The following PARP12 variants were observed in gnomAD, a reference collection of about 807,000 sequenced individuals.
PARP12 encodes the protein poly(ADP-ribose) polymerase family member 12, also known as protein mono-ADP-ribosyltransferase PARP12.
In PARP12, 59 loss-of-function variants were observed where a neutral mutation model predicts 72.4. The ratio of observed to expected loss-of-function variants is 0.81; its 90% CI spans 0.66 to 1.01. PARP12 has a LOEUF of 1.01. Among genes scored for constraint, PARP12 ranks in the 50% least tolerant of loss-of-function variants. The pLI, the probability that PARP12 is intolerant of heterozygous loss-of-function variation, is 0.00. For synonymous variants in PARP12, 403 were observed against 371.4 expected (o/e 1.09, Z -0.98); for missense variants, 851 against 914.0 (o/e 0.93, Z 0.89).
intron 5 of PARP12, among the ~76,000 whole-genome samples, chr7:140,045,731 G>C (rs554561251): frequency 3.3e-5 from 5 of 152,278 alleles, no homozygotes; most frequent in South Asian, 2.1e-4. Flanking sequence ...ATCAAAAAGA[G>C]AAAAGAAATA....
chr7:140,041,826 C>T lies in PARP12; in HGVS notation c.1000G>A (p.Glu334Lys). The T allele has an allele frequency of 6.2e-7, 1 of 1,613,582 alleles. No individual in the cohort carries two copies. Among genetic ancestry groups the T allele is most frequent in the Non-Finnish European group, 8.5e-7 (1 of 1,179,630 alleles). The change falls in exon 6 of 12, where the codon GAG becomes AAG. Residue 334 changes from glutamate (E) to lysine (K), a missense_variant. Glu to Lys is a moderately conservative substitution (Grantham distance 56). This residue lies in a region of PARP12 where 492 missense variants were observed against 489.3 expected (regional missense o/e 1.01). Transcript: ENST00000263549. ...NPKIERILCS[E>K]SASTFHSHCL... The stretch of plus-strand genomic sequence containing the variant: ...TGAGAGTGAAAGGTACTGGCTGACT[C>T]AGAGCACAGGATCCTACAGAAGAAA...
At chr7:140,035,933 G>A (rs1001235313) in intron 7 of PARP12, among the ~76,000 whole-genome samples, 1 of 120,320 alleles carries the variant, frequency 8.3e-6, no homozygotes, top group Non-Finnish European at 1.7e-5. Flanking sequence ...GGACAAGGAG[G>A]AGGAGGAGGA....
chr7:140,040,921 C>T (rs1816439679), intron 6 of PARP12, among the ~76,000 whole-genome samples: 1 of 152,182 alleles, frequency 6.6e-6, no homozygotes, highest in African/African-American at 2.4e-5. Context: ...GCATACGCCA[C>T]CACACCTGGC....
At chr7:140,056,818 TG>T in intron 3 of PARP12, 37 bp downstream of exon 3, 3 of 1,538,190 alleles carry the variant, frequency 2.0e-6, no homozygotes, top group Non-Finnish European at 2.6e-6. Context: ...GGACCTCCCG[TG>T]CTCCCCACCA....
chr7:140,038,311 C>T, intron 6 of PARP12: 1 of 984,654 alleles, frequency 1.0e-6, no homozygotes, highest in Middle Eastern at 5.2e-4. Context: ...TTTTCTGGTC[C>T]CTAGGAGCAT....
chr7:140,037,631 T>C (rs1486403381), intron 7 of PARP12, 84 bp downstream of exon 7: 1 of 1,565,640 alleles, frequency 6.4e-7, no homozygotes, highest in African/African-American at 1.3e-5. Context: ...CCTCAGTATG[T>C]GCACACGGCT....
In PARP12 at chr7:140,024,416, G is replaced by T; in HGVS notation, c.*144C>A. On this transcript the variant is annotated 3_prime_UTR_variant, in exon 12 of 12. Coordinates refer to ENST00000263549, the MANE Select transcript of PARP12 (RefSeq NM_022750.4). Reference sequence around the variant, plus strand: ...GACTTAAAAGTAAAAATCATTATTAGCAAGAGATTAAGAACATAACTTCAT... The same window carrying T: ...GACTTAAAAGTAAAAATCATTATTATCAAGAGATTAAGAACATAACTTCAT... 1 of 943,280 alleles carries T rather than the reference G, an allele frequency of 1.1e-6. No individual in the cohort carries two copies. Among genetic ancestry groups the T allele is most frequent in the Non-Finnish European group, 1.6e-6 (1 of 607,964 alleles). 58.4% of individuals were successfully genotyped at this position (943,280 alleles called of 1,614,324 possible).
intron 6 of PARP12, 68 bp from the exon 7 acceptor site, chr7:140,037,924 C>G: frequency 6.4e-7 from 1 of 1,561,366 alleles, no homozygotes. Flanking sequence ...GCTGGTGGCA[C>G]CCACGCCACA....
Position 140,026,397 on chromosome 7 carries a change from A to G in PARP12, c.1629-49T>C. The G allele has an allele frequency of 3.2e-6, 5 of 1,576,230 alleles. No homozygotes were observed. In the South Asian group the frequency reaches 5.8e-5, roughly 18 times the overall value. On this transcript the variant is annotated intron_variant, in intron 10 of 11. Transcript: ENST00000263549. ...CTGGGGGCAGAGTGTGCCGGCCACC[A>G]AATACAGCCGGCCTGATGCAAAACA... is the stretch of plus-strand genomic sequence containing the variant.
rs1360388971 is a variant in PARP12 at position 140,057,924 on chromosome 7, T to C, written c.437A>G (p.Gln146Arg). Residue 146 changes from glutamine (Q) to arginine (R), a missense_variant, in exon 2 of 12, where the codon CAG (glutamine) becomes CGG (arginine). This residue lies in a region of PARP12 where 492 missense variants were observed against 489.3 expected (regional missense o/e 1.01). Transcript: ENST00000263549. ...SYNELCQLLF[Q>R]NDPWLLPEIC... ...TTCTGGCAAAAGCCAGGGGTCGTTCTGAAACAAGAGTTGGCATAGCTCATT... is the reference window on the plus strand; with the variant it reads ...TTCTGGCAAAAGCCAGGGGTCGTTCCGAAACAAGAGTTGGCATAGCTCATT... The C allele has an allele frequency of 4.3e-6, 7 of 1,614,118 alleles. No homozygotes were observed. Among genetic ancestry groups the C allele is most frequent in the Non-Finnish European group, 5.9e-6 (7 of 1,180,046 alleles).
In PARP12 at chr7:140,062,617, C is replaced by G; in HGVS notation, c.231G>C (p.Ala77=). The G allele has an allele frequency of 6.7e-7, 1 of 1,501,672 alleles. No individual in the cohort carries two copies. Among genetic ancestry groups the G allele is most frequent in the Non-Finnish European group, 8.9e-7 (1 of 1,129,118 alleles). 93.0% of individuals were successfully genotyped at this position (1,501,672 alleles called of 1,614,324 possible). ...CGCAGCCCGGCTTGGAGCCCTGGTG[C>G]GCGCGACACAGGCGCAGCGGCGAGG... ...LAASPLRLCR[A]HQGSKPGCVG... Residue 77 remains alanine, a synonymous_variant, in exon 1 of 12, where the codon GCG becomes GCC. Coordinates refer to ENST00000263549, the MANE Select transcript of PARP12 (RefSeq NM_022750.4).
At chr7:140,028,828 G>A (rs1366356007) in intron 8 of PARP12, 140 bp from the exon 9 acceptor site, 2 of 667,830 alleles carry the variant, frequency 3.0e-6, no homozygotes, top group Non-Finnish European at 4.9e-6. Flanking sequence ...AGGCAAGGAA[G>A]AATGTTAGCA....
intron 1 of PARP12, among the ~76,000 whole-genome samples, chr7:140,059,698 C>T (rs927412184): frequency 2.6e-5 from 4 of 152,184 alleles, no homozygotes; most frequent in African/African-American, 9.7e-5. Flanking sequence ...ACTGCACAGA[C>T]CAAAAACCCT....
At position 140,024,504 on chromosome 7, in the gene PARP12, C is replaced by T. The variant is rs1388357838; in HGVS notation, c.*56G>A. On this transcript the variant is annotated 3_prime_UTR_variant, in exon 12 of 12. Transcript: ENST00000263549. ...TTCTGTTTAAAAAGAAAAGGAAAGG[C>T]CCAAATAGCCATTTCAAGGCAGAGC... 6.4e-7 allele frequency: 1 copy of T among 1,561,746 alleles called. No individual in the cohort carries two copies. Among genetic ancestry groups the T allele is most frequent in the African/African-American group, 1.4e-5 (1 of 73,542 alleles).
intron 4 of PARP12, among the ~76,000 whole-genome samples, chr7:140,051,801 T>C (rs1296482372): frequency 2.6e-5 from 4 of 152,304 alleles, no homozygotes; most frequent in South Asian, 4.1e-4. Context: ...TTGCCCTTGA[T>C]TGATGAGGAA....
chr7:140,046,872 C>CCTTT lies in PARP12; in HGVS notation c.986+11_986+12insAAAG, dbSNP rs1816753764. On this transcript the variant is annotated intron_variant, in intron 5 of 11. Transcript: ENST00000263549. ...CCAGGCACAAAGCAGAGACAAGGGA[C>CCTTT]ATATTTCCTACCTTTCTATTTTGGG... is the stretch of plus-strand genomic sequence containing the variant. 4 of 1,609,972 alleles carry CCTTT rather than the reference C, an allele frequency of 2.5e-6. No homozygotes were observed. Among genetic ancestry groups the CCTTT allele is most frequent in the Non-Finnish European group, 3.4e-6 (4 of 1,178,242 alleles).
chr7:140,027,190 C>A (rs1177668408), intron 10 of PARP12, 86 bp downstream of exon 10: 4 of 1,542,088 alleles, frequency 2.6e-6, no homozygotes, highest in Non-Finnish European at 3.5e-6. Context: ...CTCTGCTTTT[C>A]CTGGAAACCC....
Position 140,024,634 on chromosome 7 carries a change from T to G in PARP12, c.2032A>C (p.Thr678Pro). 4 of 1,614,064 alleles carry G rather than the reference T, an allele frequency of 2.5e-6. No individual in the cohort carries two copies. The highest frequency in any genetic ancestry group is 3.4e-6 in the Non-Finnish European group (4 of 1,180,008). The change falls in exon 12 of 12, where the codon ACC becomes CCC. Residue 678 changes from threonine (T) to proline (P), a missense_variant. Thr to Pro is a conservative substitution (Grantham distance 38). Around this residue, in one of 3 missense-constraint regions of PARP12, gnomAD observed 347 missense variants for 396.1 expected, o/e 0.88. Transcript: ENST00000263549. ...GTGACCGAGGGCTTGGAGGAGGTGG[T>G]GTACTGGATGACATACTCTGGGTAG... The part of the protein sequence containing the change: ...QVYPEYVIQY[T>P]TSSKPSVTPS...
In PARP12 at chr7:140,024,278, A is replaced by G; in HGVS notation, c.*282T>C. 2.3e-6 allele frequency: 1 copy of G among 430,566 alleles called. No homozygotes were observed. Among genetic ancestry groups the G allele is most frequent in the East Asian group, 4.9e-5 (1 of 20,506 alleles). 26.7% of individuals were successfully genotyped at this position (430,566 alleles called of 1,614,324 possible). The stretch of plus-strand genomic sequence containing the variant: ...TCTAGAAACTCTGTCCCTGGTGCCA[A>G]TAAGCAGCAAAGTCAACAAAGAGTA... On this transcript the variant is annotated 3_prime_UTR_variant, in exon 12 of 12. Coordinates refer to ENST00000263549, the MANE Select transcript of PARP12 (RefSeq NM_022750.4).
Sources: gnomAD v4.1 joint callset for allele counts (sites outside exome capture counted in the v4.1 genomes callset) on GRCh38, gnomAD v4.1.1 for gene constraint, gnomAD v4.1.1 regional missense constraint, MANE v1.5 for transcripts, NCBI Gene and HGNC (gene_info 2026-07-23, HGNC 2026-07-21) for gene names.